The following ZNF804B variants were observed in gnomAD, a reference collection of about 807,000 sequenced individuals.
ZNF804B encodes the protein zinc finger protein 804B, also known as zinc finger 804B.
Under a neutral mutation model 101.4 loss-of-function variants are expected in ZNF804B, and 80 were observed. The ratio of observed to expected loss-of-function variants is 0.79; its 90% CI spans 0.66 to 0.95. The LOEUF is 0.95. Ranked by LOEUF, ZNF804B falls within the 40% of genes least tolerant of loss-of-function variation. ZNF804B has a pLI of 0.00. For missense variants in ZNF804B, 1,673 were observed against 1,561.9 expected (o/e 1.07, Z -1.20); for synonymous variants, 622 against 558.8 (o/e 1.11, Z -1.59).
chr7:88,856,541 G>A (rs1791562251), intron 1 of ZNF804B, among the ~76,000 whole-genome samples: 1 of 152,114 alleles, frequency 6.6e-6, no homozygotes, highest in Admixed American at 6.5e-5. Flanking sequence ...ACACAATCAT[G>A]TCGTCTGCAA....
At position 88,845,299 on chromosome 7, in the gene ZNF804B, G is replaced by GCACACACACA. The variant is rs369657042; in HGVS notation, c.108+85216_108+85217insACACACACAC. On this transcript the variant is annotated intron_variant, in intron 1 of 3. Transcript: ENST00000333190. ...TGTGCGCACGCGCGCGCGCACGCGC[G>GCACACACACA]CGCACACACACACACACACACAATA... Among the ~76,000 whole-genome samples the GCACACACACA allele has an allele frequency of 5.6e-3, 777 of 138,498 alleles. 5 individuals carry two copies. Among genetic ancestry groups the GCACACACACA allele is most frequent in the South Asian group, 0.011 (45 of 4,116 alleles). The allele number at this position is 138,498 out of a possible 152,430, so 90.9% of individuals were successfully genotyped here.
rs369801553 is a variant in ZNF804B, at chr7:88,766,448, T to C, written c.108+6364T>C. ...TCTTATTTTGTTCAAATTTGATATC[T>C]AAATTCTAAACATATACTTCTGAAG... On this transcript the variant is annotated intron_variant, in intron 1 of 3. Transcript: ENST00000333190. 9.2e-5 allele frequency among the ~76,000 whole-genome samples: 14 copies of C among 152,360 alleles called. No homozygotes were observed. In the South Asian group the frequency reaches 2.5e-3, roughly 27 times the overall value.
intron 1 of ZNF804B, among the ~76,000 whole-genome samples, chr7:89,113,677 G>A (rs944728671): frequency 6.6e-6 from 1 of 152,106 alleles, no homozygotes; most frequent in Non-Finnish European, 1.5e-5. Context: ...AACAGGCCAG[G>A]CGCTGTGGCT....
intron 1 of ZNF804B, among the ~76,000 whole-genome samples, chr7:88,867,467 G>A (rs1791744089): frequency 6.6e-6 from 1 of 152,166 alleles, no homozygotes; most frequent in African/African-American, 2.4e-5. Context: ...AAACAAATTT[G>A]CCTTTTCTCT....
chr7:89,052,961 G>A (rs1004561976), intron 1 of ZNF804B, among the ~76,000 whole-genome samples: 3 of 152,078 alleles, frequency 2.0e-5, no homozygotes, highest in African/African-American at 7.2e-5. Flanking sequence ...TATTCCTCCA[G>A]CTTAATTAAG....
intron 1 of ZNF804B, among the ~76,000 whole-genome samples, chr7:89,201,058 T>A (rs1462144944): frequency 1.3e-5 from 2 of 152,018 alleles, no homozygotes; most frequent in African/African-American, 2.4e-5. Flanking sequence ...AGCTTCATCG[T>A]ATTTATTTAG....
intron 1 of ZNF804B, among the ~76,000 whole-genome samples, chr7:89,203,171 G>A (rs1394403333): frequency 2.0e-5 from 3 of 152,078 alleles, no homozygotes; most frequent in Non-Finnish European, 2.9e-5. Flanking sequence ...ACAAATGTAG[G>A]CTGTTTGCCA....
chr7:89,121,399 T>C (rs961739208), intron 1 of ZNF804B, among the ~76,000 whole-genome samples: 2 of 152,146 alleles, frequency 1.3e-5, no homozygotes, highest in Non-Finnish European at 2.9e-5. Flanking sequence ...CATTTTTCTC[T>C]ATAATACAAA....
At chr7:88,854,414 CCTTTCTTTCTTT>C (rs71120039) in intron 1 of ZNF804B, among the ~76,000 whole-genome samples, 165 of 57,092 alleles carry the variant, frequency 2.9e-3, no homozygotes, top group Non-Finnish European at 4.1e-3. Context: ...TTTCTTTCTT[CCTTTCTTTCTTT>C]CTTTCTTTCT....
chr7:89,196,148 C>T (rs186134386), intron 1 of ZNF804B, among the ~76,000 whole-genome samples: 1 of 152,116 alleles, frequency 6.6e-6, no homozygotes, highest in South Asian at 2.1e-4. Flanking sequence ...CACCTGACTT[C>T]AAACTATACT....
chr7:88,884,215 T>C (rs935329799), intron 1 of ZNF804B, among the ~76,000 whole-genome samples: 1 of 151,814 alleles, frequency 6.6e-6, no homozygotes, highest in Non-Finnish European at 1.5e-5. Flanking sequence ...TAAATGTTAT[T>C]AATGCAGAGT....
chr7:89,009,688 G>A (rs1451040082), intron 1 of ZNF804B, among the ~76,000 whole-genome samples: 1 of 152,204 alleles, frequency 6.6e-6, no homozygotes. Context: ...CTTCCACCAT[G>A]TGAGGACACA....
intron 2 of ZNF804B, among the ~76,000 whole-genome samples, chr7:89,304,065 A>C (rs1418543427): frequency 6.6e-6 from 1 of 151,926 alleles, no homozygotes; most frequent in Non-Finnish European, 1.5e-5. Flanking sequence ...TTTTTAATGA[A>C]AACTTTTAAT....
chr7:89,139,359 G>A (rs995201701), intron 1 of ZNF804B, among the ~76,000 whole-genome samples: 1 of 152,086 alleles, frequency 6.6e-6, no homozygotes, highest in Middle Eastern at 3.2e-3. Flanking sequence ...TGTGGTGGCT[G>A]TGTAAATTTC....
chr7:89,182,533 C>T (rs1026507395), intron 1 of ZNF804B, among the ~76,000 whole-genome samples: 13 of 152,124 alleles, frequency 8.5e-5, no homozygotes, highest in African/African-American at 3.1e-4. Context: ...ATCAGAAGCA[C>T]AATTTTGAAA....
chr7:88,872,665 T>C (rs1791849664), intron 1 of ZNF804B, among the ~76,000 whole-genome samples: 1 of 147,556 alleles, frequency 6.8e-6, no homozygotes, highest in Non-Finnish European at 1.5e-5. Flanking sequence ...TTCCCCTTCC[T>C]GTGTCCATGT....
intron 2 of ZNF804B, among the ~76,000 whole-genome samples, chr7:89,242,523 T>C (rs1205670060): frequency 6.6e-6 from 1 of 151,914 alleles, no homozygotes; most frequent in African/African-American, 2.4e-5. Flanking sequence ...TAATTAACCA[T>C]ATTCTCCTGT....
chr7:89,195,639 G>A (rs1788535530), intron 1 of ZNF804B, among the ~76,000 whole-genome samples: 1 of 151,824 alleles, frequency 6.6e-6, no homozygotes, highest in East Asian at 1.9e-4. Flanking sequence ...CAGGGGATGT[G>A]AAGGACCTCT....
chr7:88,863,275 G>A (rs189246723), intron 1 of ZNF804B, among the ~76,000 whole-genome samples: 4 of 152,242 alleles, frequency 2.6e-5, no homozygotes, highest in Non-Finnish European at 5.9e-5. Context: ...CCTGATGTCA[G>A]TCCAAATGAC....
Sources: allele counts gnomAD v4.1 joint callset (sites outside exome capture counted in the v4.1 genomes callset), GRCh38; gene constraint gnomAD v4.1.1; transcripts MANE v1.5; gene names NCBI Gene and HGNC (gene_info 2026-07-23, HGNC 2026-07-21).